The following STK10 variants were observed in gnomAD, a reference collection of about 807,000 sequenced individuals.
The protein encoded by STK10 is serine/threonine kinase 10.
Under a neutral mutation model 113.8 loss-of-function variants are expected in STK10, and 78 were observed. The observed-to-expected ratio is 0.69, with a 90% CI of 0.57 to 0.83. STK10 has a LOEUF of 0.83. Ranked by LOEUF, STK10 falls within the 40% of genes least tolerant of loss-of-function variation. The pLI, the probability that STK10 is intolerant of heterozygous loss-of-function variation, is 0.00. For missense variants in STK10, 1,109 were observed against 1,280.1 expected (o/e 0.87, Z 2.04); for synonymous variants, 465 against 494.7 (o/e 0.94, Z 0.80).
At chr5:172,147,671 C>T (rs577219312) in intron 2 of STK10, among the ~76,000 whole-genome samples, 72 of 152,264 alleles carry the variant, frequency 4.7e-4, no homozygotes, top group Admixed American at 8.5e-4. Flanking sequence ...GGATTACAGG[C>T]GTGAGCCACT....
At chr5:172,056,276 G>A (rs1196363495) in intron 15 of STK10, among the ~76,000 whole-genome samples, 3 of 152,136 alleles carry the variant, frequency 2.0e-5, no homozygotes, top group Non-Finnish European at 4.4e-5. Context: ...TTCCATCACT[G>A]CATTTAGATA....
At chr5:172,174,807 G>A (rs773663799) in intron 1 of STK10, among the ~76,000 whole-genome samples, 9 of 152,120 alleles carry the variant, frequency 5.9e-5, no homozygotes, top group African/African-American at 1.2e-4. Context: ...GCAATGGTCC[G>A]GAAGCAGAAA....
At chr5:172,183,327 A>G (rs1404899858) in intron 1 of STK10, among the ~76,000 whole-genome samples, 5 of 152,220 alleles carry the variant, frequency 3.3e-5, no homozygotes, top group Non-Finnish European at 1.5e-5. Flanking sequence ...CTGCTATCAC[A>G]GCAAGCACAC....
chr5:172,106,953 C>T, intron 5 of STK10, 139 bp from the exon 6 acceptor site: 1 of 809,294 alleles, frequency 1.2e-6, no homozygotes, highest in East Asian at 2.8e-5. Flanking sequence ...GACTTTGCAT[C>T]CCACTGTCTT....
intron 1 of STK10, 69 bp from the exon 2 acceptor site, chr5:172,156,857 C>T (rs563341515): frequency 9.7e-6 from 15 of 1,544,454 alleles, no homozygotes; most frequent in South Asian, 6.0e-5. Flanking sequence ...GACGTGAGCC[C>T]GCAGTCCTGC....
At chr5:172,163,127 T>C (rs1033149791) in intron 1 of STK10, among the ~76,000 whole-genome samples, 2 of 152,190 alleles carry the variant, frequency 1.3e-5, no homozygotes, top group African/African-American at 4.8e-5. Context: ...ATACGGCTGA[T>C]GATAAAAACA....
Position 172,188,101 on chromosome 5 carries a change from G to A in STK10, c.-59C>T. The A allele has an allele frequency of 6.4e-7, 1 of 1,573,350 alleles. No individual in the cohort carries two copies. Among genetic ancestry groups the A allele is most frequent in the Non-Finnish European group, 8.6e-7 (1 of 1,160,110 alleles). On this transcript the variant is annotated 5_prime_UTR_variant, in exon 1 of 19. Transcript: ENST00000176763. This position sits in a 1 kb window ranked among gnomAD's most constrained non-coding sequence, Gnocchi z 5.6. ...GGCTCGGGCTCGGGCTGTGGCTTCGGCGGCCGCGAGGAGAAGGAGGAGGAG... is the reference window on the plus strand; with the variant it reads ...GGCTCGGGCTCGGGCTGTGGCTTCGACGGCCGCGAGGAGAAGGAGGAGGAG...
chr5:172,055,785 GAAT>G lies in STK10; in HGVS notation c.2338-12_2338-10del. On this transcript the variant is annotated splice_polypyrimidine_tract_variant and intron_variant, in intron 15 of 18. Transcript: ENST00000176763. Reference sequence around the variant, plus strand: ...TGCATCTGCTCCCGCTCCTGGAGAGGAATATCCAGAGGGGCTGAGGGCAGCTGC... The same window carrying G: ...TGCATCTGCTCCCGCTCCTGGAGAGGATCCAGAGGGGCTGAGGGCAGCTGC... 6.8e-7 allele frequency: 1 copy of G among 1,471,856 alleles called. No homozygotes were observed. Among genetic ancestry groups the G allele is most frequent in the South Asian group, 1.4e-5 (1 of 70,508 alleles). 91.2% of individuals were successfully genotyped at this position (1,471,856 alleles called of 1,614,324 possible).
intron 10 of STK10, 41 bp from the exon 11 acceptor site, chr5:172,083,125 T>A (rs748378189): frequency 6.2e-7 from 1 of 1,610,166 alleles, no homozygotes. Context: ...AGTAAGAAAC[T>A]GGCTTCAGAG....
Position 172,129,298 on chromosome 5 carries a change from G to A in STK10, c.322-1877C>T, listed in dbSNP as rs1259815928. The stretch of plus-strand genomic sequence containing the variant: ...CCTGCCAGGCTTGCCACTTGCCTTG[G>A]AGGGCTGTGTGCCACGGCAGAGAGC... On this transcript the variant is annotated intron_variant, in intron 2 of 18. Coordinates refer to ENST00000176763, the MANE Select transcript of STK10 (RefSeq NM_005990.4). Among the ~76,000 whole-genome samples, 3 of 152,198 alleles carry A rather than the reference G, an allele frequency of 2.0e-5. No homozygotes were observed. In the East Asian group the frequency reaches 5.8e-4, roughly 29 times the overall value.
chr5:172,065,459 A>G (rs1379152326), intron 12 of STK10, among the ~76,000 whole-genome samples: 1 of 152,068 alleles, frequency 6.6e-6, no homozygotes, highest in Non-Finnish European at 1.5e-5. Context: ...TCCTGACCTC[A>G]AGTGATCTGC....
intron 14 of STK10, 30 bp downstream of exon 14, chr5:172,061,109 A>G: frequency 6.3e-7 from 1 of 1,585,668 alleles, no homozygotes; most frequent in African/African-American, 1.4e-5. Flanking sequence ...ACTCTGGGCC[A>G]AGACAGCGCT....
chr5:172,051,042 G>A (rs1278914275), intron 18 of STK10, among the ~76,000 whole-genome samples: 1 of 151,700 alleles, frequency 6.6e-6, no homozygotes, highest in Non-Finnish European at 1.5e-5. Context: ...GAACCTGGGA[G>A]GTGGAGGTTG....
chr5:172,155,401 G>A (rs1021051415), intron 2 of STK10, among the ~76,000 whole-genome samples: 1 of 151,868 alleles, frequency 6.6e-6, no homozygotes, highest in Non-Finnish European at 1.5e-5. Context: ...AGGAGGCTGA[G>A]GCAGGAGAAT....
chr5:172,172,338 G>C (rs549171804), intron 1 of STK10, among the ~76,000 whole-genome samples: 3 of 152,312 alleles, frequency 2.0e-5, no homozygotes, highest in African/African-American at 7.2e-5. Flanking sequence ...ATGCCACCCT[G>C]GTCGCGTGGT....
intron 2 of STK10, among the ~76,000 whole-genome samples, chr5:172,149,746 C>T (rs192127827): frequency 1.3e-4 from 20 of 152,250 alleles, no homozygotes; most frequent in Admixed American, 4.6e-4. Context: ...GGGCAGACTC[C>T]GTTGAAAGAC....
Position 172,105,637 on chromosome 5 carries a change from G to A in STK10, c.870+19C>T. The A allele has an allele frequency of 6.2e-7, 1 of 1,612,518 alleles. No homozygotes were observed. The highest frequency in any genetic ancestry group is 1.1e-5 in the South Asian group (1 of 91,068). On this transcript the variant is annotated intron_variant, in intron 7 of 18. Coordinates refer to ENST00000176763, the MANE Select transcript of STK10 (RefSeq NM_005990.4). ...GGCTCCACCCTTCAGGGAGCAGAGT[G>A]GGAGGGGAATCCACTCACCTCCAGC...
chr5:172,094,526 G>T (rs1476571988), intron 8 of STK10, among the ~76,000 whole-genome samples: 1 of 151,970 alleles, frequency 6.6e-6, no homozygotes, highest in African/African-American at 2.4e-5. Context: ...GGGACTACAG[G>T]TGCATGCCAC....
chr5:172,051,886 G>A (rs1424951758), intron 18 of STK10, among the ~76,000 whole-genome samples: 2 of 152,166 alleles, frequency 1.3e-5, no homozygotes, highest in African/African-American at 2.4e-5. Context: ...AGTGGGTGGA[G>A]GAAGAAATTG....
Sources: gnomAD v4.1 joint callset for allele counts (sites outside exome capture counted in the v4.1 genomes callset) on GRCh38, gnomAD v4.1.1 for gene constraint, Gnocchi (gnomAD v3.1) non-coding constraint, MANE v1.5 for transcripts, NCBI Gene and HGNC (gene_info 2026-07-23, HGNC 2026-07-21) for gene names.